The following WDR49 variants were observed in gnomAD, a reference collection of about 807,000 sequenced individuals.
WDR49 encodes WD repeat domain 49, also known as cilia- and flagella-associated protein 337.
A neutral mutation model predicts 119.5 loss-of-function variants in WDR49; 107 were observed. The observed-to-expected ratio is 0.90, with a 90% confidence interval of 0.77 to 1.05. WDR49 has a LOEUF of 1.05. Ranked by LOEUF, WDR49 falls within the 50% of genes least tolerant of loss-of-function variation. The pLI is 0.00. For missense variants in WDR49, 1,240 were observed against 1,220.5 expected (o/e 1.02, Z -0.24); for synonymous variants, 425 against 418.8 (o/e 1.01, Z -0.18).
At chr3:167,614,077 C>G (rs1047060249) in intron 5 of WDR49, among the ~76,000 whole-genome samples, 1 of 152,108 alleles carries the variant, frequency 6.6e-6, no homozygotes, top group African/African-American at 2.4e-5. Flanking sequence ...CAATTTCATG[C>G]TCATTCTTTC....
intron 7 of WDR49, among the ~76,000 whole-genome samples, chr3:167,586,535 T>C (rs1714824235): frequency 6.6e-6 from 1 of 152,224 alleles, no homozygotes; most frequent in African/African-American, 2.4e-5. Flanking sequence ...AATTCAGCAA[T>C]TCATTGACCA....
At chr3:167,553,455 T>G (rs1712699020) in intron 10 of WDR49, among the ~76,000 whole-genome samples, 1 of 152,144 alleles carries the variant, frequency 6.6e-6, no homozygotes, top group African/African-American at 2.4e-5. Context: ...CAAAAAAATC[T>G]TACAGTTGAT....
intron 5 of WDR49, among the ~76,000 whole-genome samples, chr3:167,614,562 T>C (rs1360134835): frequency 6.6e-6 from 1 of 152,234 alleles, no homozygotes; most frequent in African/African-American, 2.4e-5. Flanking sequence ...CATTTCAGAA[T>C]GTAATTATTT....
chr3:167,577,374 C>T (rs1312840401), intron 7 of WDR49, among the ~76,000 whole-genome samples: 1 of 152,080 alleles, frequency 6.6e-6, no homozygotes, highest in Non-Finnish European at 1.5e-5. Context: ...ACCTTGTTTA[C>T]TTTTAAAAAA....
At chr3:167,656,468 C>G (rs1041276465), upstream of WDR49, among the ~76,000 whole-genome samples, 2 of 152,132 alleles carry the variant, frequency 1.3e-5, no homozygotes, top group South Asian at 4.1e-4. Context: ...AGATGAACCA[C>G]GAGAGGTAGG....
chr3:167,597,646 A>G (rs1715550567), intron 7 of WDR49, among the ~76,000 whole-genome samples: 1 of 152,106 alleles, frequency 6.6e-6, no homozygotes, highest in Non-Finnish European at 1.5e-5. Flanking sequence ...ACAGGAGCAA[A>G]TCTCCCTACT....
chr3:167,567,887 C>T (rs900441970), intron 8 of WDR49, among the ~76,000 whole-genome samples: 1 of 152,160 alleles, frequency 6.6e-6, no homozygotes, highest in South Asian at 2.1e-4. Flanking sequence ...CAGAAAAAAA[C>T]ATTCTCATTG....
At chr3:167,595,612 AT>A (rs1224605719) in intron 7 of WDR49, among the ~76,000 whole-genome samples, 3 of 152,220 alleles carry the variant, frequency 2.0e-5, no homozygotes, top group Non-Finnish European at 4.4e-5. Flanking sequence ...AAAACAAGCA[AT>A]GGGGAAAGGA....
At chr3:167,603,485 A>T (rs1376011023) in intron 6 of WDR49, among the ~76,000 whole-genome samples, 1 of 152,078 alleles carries the variant, frequency 6.6e-6, no homozygotes, top group Non-Finnish European at 1.5e-5. Flanking sequence ...GTCAGGTATT[A>T]TTTTGGGAAT....
intron 7 of WDR49, among the ~76,000 whole-genome samples, chr3:167,581,917 C>T (rs1000502829): frequency 5.3e-5 from 8 of 152,104 alleles, no homozygotes; most frequent in East Asian, 1.9e-4. Flanking sequence ...ACTCACATGA[C>T]TCCATTTAAA....
At chr3:167,543,015 C>A (rs1300020513) in intron 10 of WDR49, among the ~76,000 whole-genome samples, 1 of 151,888 alleles carries the variant, frequency 6.6e-6, no homozygotes, top group Non-Finnish European at 1.5e-5. Flanking sequence ...CTATGAACAC[C>A]TTTATGCATA....
At chr3:167,572,926 G>C (rs1012110417) in intron 8 of WDR49, among the ~76,000 whole-genome samples, 1 of 152,158 alleles carries the variant, frequency 6.6e-6, no homozygotes, top group African/African-American at 2.4e-5. Flanking sequence ...CATTCCTGAG[G>C]AGAAGCAGAG....
upstream of WDR49, among the ~76,000 whole-genome samples, chr3:167,654,303 CT>C (rs1292858120): frequency 6.6e-6 from 1 of 151,930 alleles, no homozygotes; most frequent in East Asian, 1.9e-4. Flanking sequence ...TTCTTATATT[CT>C]TTTTGTCTTA....
At chr3:167,510,942 T>C (rs1020768064) in intron 16 of WDR49, among the ~76,000 whole-genome samples, 1 of 151,936 alleles carries the variant, frequency 6.6e-6, no homozygotes, top group Non-Finnish European at 1.5e-5. Flanking sequence ...TTTTCTTTCA[T>C]ATTTTTTCAT....
At chr3:167,629,154 A>C (rs1009567487) in intron 2 of WDR49, among the ~76,000 whole-genome samples, 1 of 152,026 alleles carries the variant, frequency 6.6e-6, no homozygotes, top group African/African-American at 2.4e-5. Flanking sequence ...TGGGAAGCTG[A>C]GGTAGGGGTG....
intron 11 of WDR49, among the ~76,000 whole-genome samples, chr3:167,534,281 C>G (rs1184713843): frequency 6.6e-6 from 1 of 152,124 alleles, no homozygotes; most frequent in African/African-American, 2.4e-5. Flanking sequence ...ATAGAAATAT[C>G]CATCTTCTCC....
chr3:167,599,497 G>A (rs141906780), intron 7 of WDR49, among the ~76,000 whole-genome samples: 1 of 152,276 alleles, frequency 6.6e-6, no homozygotes, highest in East Asian at 1.9e-4. Flanking sequence ...CTCTCCTATG[G>A]CTCAGGGCAT....
intron 10 of WDR49, among the ~76,000 whole-genome samples, chr3:167,542,503 T>C (rs1055585068): frequency 6.6e-6 from 1 of 152,000 alleles, no homozygotes; most frequent in Non-Finnish European, 1.5e-5. Context: ...ACTATACAAA[T>C]ACATGAAAAT....
Position 167,500,771 on chromosome 3 carries a change from T to C in WDR49, c.2885-472A>G, listed in dbSNP as rs538830078. Among the ~76,000 whole-genome samples, 118 of 152,346 alleles carry C rather than the reference T, an allele frequency of 7.7e-4. 1 individual carries two copies. Among genetic ancestry groups the C allele is most frequent in the African/African-American group, 2.7e-3 (112 of 41,582 alleles). On this transcript the variant is annotated intron_variant, in intron 17 of 18. Coordinates refer to ENST00000682715, the MANE Select transcript of WDR49 (RefSeq NM_001366157.1). ...TGTATTTATTATGCACACAATGAGA[T>C]GATAGGAATCTATTTTAATCATGCT...
Sources: gnomAD v4.1 joint callset for allele counts (sites outside exome capture counted in the v4.1 genomes callset) on GRCh38, gnomAD v4.1.1 for gene constraint, MANE v1.5 for transcripts, NCBI Gene and HGNC (gene_info 2026-07-23, HGNC 2026-07-21) for gene names.